The following SOX6 variants were observed in gnomAD, a reference collection of about 807,000 sequenced individuals.
The protein encoded by SOX6 is SRY-box transcription factor 6.
A neutral mutation model predicts 97.8 loss-of-function variants in SOX6; 11 were observed. The observed-to-expected ratio is 0.11, with a 90% confidence interval of 0.07 to 0.19. SOX6 has a LOEUF of 0.19. Among genes scored for constraint, SOX6 ranks in the 10% least tolerant of loss-of-function variants. SOX6 has a pLI of 1.00. For missense variants in SOX6, 810 were observed against 1,039.5 expected (o/e 0.78, Z 3.04); for synonymous variants, 360 against 371.4 (o/e 0.97, Z 0.35).
At chr11:16,202,323 A>G (rs1308418302) in intron 4 of SOX6, among the ~76,000 whole-genome samples, 2 of 152,186 alleles carry the variant, frequency 1.3e-5, no homozygotes. Flanking sequence ...GTAAAGGAAG[A>G]CTAGTAGAAT....
chr11:16,530,932 ATATATATAGAATGTAAATATAT>A (rs1400544738), intron 4 of SOX6, among the ~76,000 whole-genome samples: 3 of 148,512 alleles, frequency 2.0e-5, no homozygotes, highest in East Asian at 1.9e-4. Context: ...CATATTTTAT[ATATATATAGAATGTAAATATAT>A]TATATATAGA....
intron 1 of SOX6, among the ~76,000 whole-genome samples, chr11:16,424,548 G>C (rs1046733163): frequency 4.6e-5 from 7 of 152,334 alleles, no homozygotes; most frequent in African/African-American, 1.7e-4. Flanking sequence ...GAAGTAAAAA[G>C]GCACAAGTGG....
At chr11:16,639,883 T>A (rs1467923125) in intron 3 of SOX6, among the ~76,000 whole-genome samples, 2 of 152,162 alleles carry the variant, frequency 1.3e-5, no homozygotes, top group Non-Finnish European at 2.9e-5. Context: ...CCTCTTTTCC[T>A]AATTGAATAC....
Position 16,009,130 on chromosome 11 carries a change from T to C in SOX6, c.1732+5812A>G, listed in dbSNP as rs563059034. On this transcript the variant is annotated intron_variant, in intron 13 of 15. Coordinates refer to ENST00000683767, the MANE Select transcript of SOX6 (RefSeq NM_001367873.1). ...TTTTTACGTGTATAATTTCTCATCT[T>C]TTATTCCTAGTATCTAGTAGTTGGA... is the stretch of plus-strand genomic sequence containing the variant. Among the ~76,000 whole-genome samples, 20 of 152,168 alleles carry C rather than the reference T, an allele frequency of 1.3e-4. No homozygotes were observed. The South Asian group carries it at 4.1e-3, about 32-fold the overall frequency.
At chr11:16,048,300 G>A (rs1847591219) in intron 11 of SOX6, among the ~76,000 whole-genome samples, 1 of 152,176 alleles carries the variant, frequency 6.6e-6, no homozygotes, top group Non-Finnish European at 1.5e-5. Flanking sequence ...AACTTGGCAT[G>A]AAAACTTTCA....
chr11:16,544,244 T>A (rs1375811128), intron 4 of SOX6, among the ~76,000 whole-genome samples: 1 of 151,912 alleles, frequency 6.6e-6, no homozygotes, highest in Non-Finnish European at 1.5e-5. Context: ...TAAAAAGTAG[T>A]TTTGGGTTTT....
rs144782021 is a variant in SOX6 at position 16,586,683 on chromosome 11, G to C, written n.609+25398C>G. On this transcript the variant is annotated intron_variant and non_coding_transcript_variant, in intron 4 of 5. Coordinates refer to the SOX6 transcript ENST00000524520. ...TGCAGTGAGCTGTAATCACACCACTGCACTCCAGCCTGGGTGAGAGAGTGA... is the reference window on the plus strand; with the variant it reads ...TGCAGTGAGCTGTAATCACACCACTCCACTCCAGCCTGGGTGAGAGAGTGA... Among the ~76,000 whole-genome samples the C allele has an allele frequency of 4.0e-3, 604 of 152,138 alleles. 4 individuals are homozygous for C. Among genetic ancestry groups the C allele is most frequent in the African/African-American group, 0.014 (583 of 41,492 alleles).
intron 1 of SOX6, among the ~76,000 whole-genome samples, chr11:16,412,540 A>G (rs1186212055): frequency 6.6e-6 from 1 of 152,194 alleles, no homozygotes. Flanking sequence ...CAGGAGGCTA[A>G]GGCAGGAGGG....
chr11:16,714,510 T>C (rs1797330289), intron 3 of SOX6, among the ~76,000 whole-genome samples: 1 of 148,958 alleles, frequency 6.7e-6, no homozygotes, highest in South Asian at 2.1e-4. Flanking sequence ...TGGAATGCAG[T>C]GGCGCATCTC....
chr11:16,096,628 T>C (rs894042657), intron 8 of SOX6, among the ~76,000 whole-genome samples: 1 of 151,848 alleles, frequency 6.6e-6, no homozygotes, highest in African/African-American at 2.4e-5. Flanking sequence ...ATGATGTTTT[T>C]TCATGGGACA....
chr11:16,137,774 T>C (rs751223668), intron 6 of SOX6, among the ~76,000 whole-genome samples: 5 of 152,154 alleles, frequency 3.3e-5, no homozygotes, highest in African/African-American at 9.7e-5. Flanking sequence ...CAGGTGGAGA[T>C]AATTGAATGC....
chr11:16,132,505 A>AAAGAAAGAAAGCAAGCAAGC lies in SOX6; in HGVS notation c.778-20583_778-20582insGCTTGCTTGCTTTCTTTCTT, dbSNP rs1451899878. Among the ~76,000 whole-genome samples the AAAGAAAGAAAGCAAGCAAGC allele has an allele frequency of 2.5e-3, 219 of 86,174 alleles. 18 individuals carry two copies. Among genetic ancestry groups the AAAGAAAGAAAGCAAGCAAGC allele is most frequent in the Middle Eastern group, 5.2e-3 (1 of 192 alleles). 56.5% of individuals were successfully genotyped at this position (86,174 alleles called of 152,430 possible). A position where few individuals can be genotyped will look rare whatever the true frequency, so the allele number is the denominator to read the frequency against. On this transcript the variant is annotated intron_variant, in intron 6 of 15. Coordinates refer to ENST00000683767, the MANE Select transcript of SOX6 (RefSeq NM_001367873.1). ...GAAAGAAAGAAAGAAAGAAAGAAAG[A>AAAGAAAGAAAGCAAGCAAGC]AAGCTTATCTTTGTATCTAGGAAGA...
At chr11:16,163,963 T>A (rs1850821033) in intron 6 of SOX6, among the ~76,000 whole-genome samples, 1 of 152,180 alleles carries the variant, frequency 6.6e-6, no homozygotes, top group Non-Finnish European at 1.5e-5. Flanking sequence ...GAGCTGAGCC[T>A]CTAGAAATTC....
chr11:16,168,726 A>G (rs1850952147), intron 6 of SOX6, among the ~76,000 whole-genome samples: 1 of 152,144 alleles, frequency 6.6e-6, no homozygotes. Flanking sequence ...TCATGGCTGT[A>G]CACAAGGCTC....
At position 16,363,162 on chromosome 11, in the gene SOX6, A is replaced by G. The variant is rs146973800; in HGVS notation, c.-4-21910T>C. 1.1e-3 allele frequency among the ~76,000 whole-genome samples: 174 copies of G among 152,292 alleles called. 1 individual carries two copies. Among genetic ancestry groups the G allele is most frequent in the African/African-American group, 4.0e-3 (167 of 41,568 alleles). ...ATTTATTCCAACTCTAAGATTCTTA[A>G]ATTGCAAACATCCCTGGTAGAAGGA... On this transcript the variant is annotated intron_variant, in intron 1 of 15. Transcript: ENST00000396356.
At chr11:16,095,858 G>A in intron 9 of SOX6, 138 bp downstream of exon 9, 1 of 1,030,096 alleles carries the variant, frequency 9.7e-7, no homozygotes, top group South Asian at 1.5e-5. Context: ...AGCCTCCTTA[G>A]GAATGAGAAA....
At chr11:16,579,134 C>T (rs1848008444) in intron 4 of SOX6, among the ~76,000 whole-genome samples, 1 of 152,022 alleles carries the variant, frequency 6.6e-6, no homozygotes, top group South Asian at 2.1e-4. Flanking sequence ...TACTTTCACT[C>T]AGTAAATGCA....
chr11:16,132,480 GAAAGAA>G, intron 6 of SOX6, among the ~76,000 whole-genome samples: 1 of 145,504 alleles, frequency 6.9e-6, no homozygotes, highest in African/African-American at 2.5e-5. Context: ...AAGAAAGAAA[GAAAGAA>G]AGAAAGAAAG....
chr11:16,186,663 TCTTA>T, intron 5 of SOX6, 116 bp downstream of exon 5: 1 of 1,280,536 alleles, frequency 7.8e-7, no homozygotes, highest in East Asian at 2.4e-5. Context: ...TTCCATCTTT[TCTTA>T]TTTTTATTTT....
Sources: gnomAD v4.1 joint callset for allele counts (sites outside exome capture counted in the v4.1 genomes callset) on GRCh38, gnomAD v4.1.1 for gene constraint, MANE v1.5 for transcripts, NCBI Gene and HGNC (gene_info 2026-07-23, HGNC 2026-07-21) for gene names.